Variants in SOS2 observed in about 807,000 individuals in gnomAD.
The protein encoded by SOS2 is SOS Ras/Rho guanine nucleotide exchange factor 2.
Under a neutral mutation model 148.2 loss-of-function variants are expected in SOS2, and 65 were observed. That is an observed-to-expected ratio of 0.44 (90% confidence interval 0.36 to 0.54). The LOEUF is 0.54. Among genes scored for constraint, SOS2 ranks in the 20% least tolerant of loss-of-function variants. The pLI is 0.00. For missense variants in SOS2, 1,341 were observed against 1,590.2 expected (o/e 0.84, Z 2.67); for synonymous variants, 539 against 537.1 (o/e 1.00, Z -0.05).
chr14:50,124,100 C>T (rs1204397966), intron 21 of SOS2, among the ~76,000 whole-genome samples: 1 of 152,006 alleles, frequency 6.6e-6, no homozygotes, highest in Admixed American at 6.6e-5. Flanking sequence ...ATTAGATATC[C>T]AACTGGAGAT....
In SOS2 at chr14:50,225,007, G is replaced by T. The variant is rs1233772037; in HGVS notation, c.87+6190C>A. 7.9e-5 allele frequency among the ~76,000 whole-genome samples: 12 copies of T among 151,986 alleles called. No homozygotes were observed. In the East Asian group the frequency reaches 2.1e-3, roughly 27 times the overall value. ...GAGCTAATACTAGTCCTTATATCTA[G>T]ATCTTGGTATTATTTTCATCTTGTT... On this transcript the variant is annotated intron_variant, in intron 1 of 22. Coordinates refer to ENST00000216373, the MANE Select transcript of SOS2 (RefSeq NM_006939.4).
intron 4 of SOS2, among the ~76,000 whole-genome samples, chr14:50,191,670 C>T (rs1886143520): frequency 6.6e-6 from 1 of 152,052 alleles, no homozygotes; most frequent in Admixed American, 6.6e-5. Flanking sequence ...AGGCAAGTAA[C>T]ATTATAATAT....
chr14:50,160,374 C>G (rs1188326185), intron 9 of SOS2, among the ~76,000 whole-genome samples: 6 of 130,894 alleles, frequency 4.6e-5, no homozygotes, highest in Non-Finnish European at 7.8e-5. Flanking sequence ...TATAACAATG[C>G]TAATCTTTTT....
chr14:50,170,605 C>A (rs1419790201), intron 8 of SOS2, among the ~76,000 whole-genome samples: 1 of 151,980 alleles, frequency 6.6e-6, no homozygotes, highest in African/African-American at 2.4e-5. Flanking sequence ...CCCAGGAGGT[C>A]AAGGCTGCAG....
At chr14:50,151,539 C>T (rs7151844) in intron 13 of SOS2, among the ~76,000 whole-genome samples, 132,281 of 152,154 alleles carry the variant, frequency 0.87, 57,591 homozygotes, top group East Asian at 0.92. Context: ...CACTTACTAG[C>T]TGAAATACTT....
In SOS2 at chr14:50,156,967, A is replaced by G. The variant is rs553167605; in HGVS notation, c.2057+32T>C. On this transcript the variant is annotated intron_variant, in intron 12 of 22. Coordinates refer to ENST00000216373, the MANE Select transcript of SOS2 (RefSeq NM_006939.4). ...TGTGTGTGTGTATATATATGTGTAT[A>G]TATATATATATAAAAAATATTCAAG... 142,525 of 1,114,654 alleles carry G rather than the reference A, an allele frequency of 0.13. 11,025 individuals carry two copies. The highest frequency in any genetic ancestry group is 0.28 in the African/African-American group (17,931 of 64,690). The allele number at this position is 1,114,654 out of a possible 1,614,324, so 69.0% of individuals were successfully genotyped here.
chr14:50,173,961 T>C (rs1782197539), intron 8 of SOS2, among the ~76,000 whole-genome samples: 1 of 151,974 alleles, frequency 6.6e-6, no homozygotes, highest in South Asian at 2.1e-4. Context: ...TTTGACCATA[T>C]AATTTAAAAA....
chr14:50,147,680 C>T (rs1452113663), intron 14 of SOS2, among the ~76,000 whole-genome samples: 1 of 152,120 alleles, frequency 6.6e-6, no homozygotes, highest in East Asian at 1.9e-4. Context: ...GAGAATTACA[C>T]AAAGGATTTC....
At chr14:50,175,428 C>CTT (rs71441277) in intron 7 of SOS2, among the ~76,000 whole-genome samples, 12 of 119,830 alleles carry the variant, frequency 1.0e-4, no homozygotes, top group East Asian at 2.5e-4. Flanking sequence ...AGGAGTAATA[C>CTT]TTTTTTTTTT....
chr14:50,122,451 A>G (rs959835051), intron 21 of SOS2, among the ~76,000 whole-genome samples: 1 of 123,978 alleles, frequency 8.1e-6, no homozygotes, highest in African/African-American at 3.2e-5. Context: ...GCTGGAGTCC[A>G]GGAACCCTGG....
intron 8 of SOS2, among the ~76,000 whole-genome samples, chr14:50,172,649 A>G (rs908878957): frequency 5.9e-5 from 9 of 151,800 alleles, no homozygotes; most frequent in African/African-American, 2.2e-4. Context: ...GATTACAGGC[A>G]TGAGCCACCG....
chr14:50,156,753 G>T, intron 12 of SOS2: 1 of 201,258 alleles, frequency 5.0e-6, no homozygotes, highest in South Asian at 1.4e-4. Context: ...ACATGCCAGA[G>T]ATATGTGATG....
chr14:50,134,656 T>A (rs531750926), intron 18 of SOS2, among the ~76,000 whole-genome samples: 1 of 152,158 alleles, frequency 6.6e-6, no homozygotes, highest in African/African-American at 2.4e-5. Flanking sequence ...AGAAAAAAAG[T>A]GGAGATAAAT....
At chr14:50,132,703 G>GT (rs1033080410) in intron 19 of SOS2, among the ~76,000 whole-genome samples, 1 of 151,950 alleles carries the variant, frequency 6.6e-6, no homozygotes, top group African/African-American at 2.4e-5. Flanking sequence ...CATGGCAACA[G>GT]TTTTTTAGGA....
chr14:50,150,780 T>C lies in SOS2; in HGVS notation c.2162-550A>G, dbSNP rs186614344. Among the ~76,000 whole-genome samples, 26 of 152,156 alleles carry C rather than the reference T, an allele frequency of 1.7e-4. No individual in the cohort carries two copies. The East Asian group carries it at 4.8e-3, about 28-fold the overall frequency. On this transcript the variant is annotated intron_variant, in intron 13 of 22. Coordinates refer to ENST00000216373, the MANE Select transcript of SOS2 (RefSeq NM_006939.4). ...CTTTGTCACCCAGGCTGGAGAATAA[T>C]GGCGTGATCTCGGCTCACTGCAACC...
At chr14:50,210,664 T>A (rs866298679) in intron 1 of SOS2, among the ~76,000 whole-genome samples, 36 of 151,468 alleles carry the variant, frequency 2.4e-4, no homozygotes, top group Middle Eastern at 3.4e-3. Flanking sequence ...CTAGAATATA[T>A]AGAGAACTCC....
chr14:50,125,810 T>A (rs1381759172), intron 21 of SOS2, among the ~76,000 whole-genome samples: 1 of 152,198 alleles, frequency 6.6e-6, no homozygotes, highest in Non-Finnish European at 1.5e-5. Flanking sequence ...TTCCCACCTC[T>A]GTAGGAGACT....
At chr14:50,175,295 TAGAC>T (rs753205843) in intron 7 of SOS2, among the ~76,000 whole-genome samples, 12 of 152,072 alleles carry the variant, frequency 7.9e-5, no homozygotes, top group Non-Finnish European at 1.5e-4. Context: ...TCTTAATTCT[TAGAC>T]AGATAGATAT....
At chr14:50,187,699 A>C (rs188112395) in intron 5 of SOS2, among the ~76,000 whole-genome samples, 3 of 152,364 alleles carry the variant, frequency 2.0e-5, no homozygotes, top group East Asian at 3.9e-4. Flanking sequence ...ATGGAAAAAT[A>C]AATCATGTGA....
Sources: allele counts gnomAD v4.1 joint callset (sites outside exome capture counted in the v4.1 genomes callset), GRCh38; gene constraint gnomAD v4.1.1; transcripts MANE v1.5; gene names NCBI Gene and HGNC (gene_info 2026-07-23, HGNC 2026-07-21).